ZSCAN18: variants seen among roughly 807,000 people sequenced by gnomAD.
ZSCAN18 encodes zinc finger and SCAN domain containing 18, also known as zinc finger and SCAN domain-containing protein 18.
In ZSCAN18, 16 loss-of-function variants were observed where a neutral mutation model predicts 31.1. That is an observed-to-expected ratio of 0.51 (90% CI 0.35 to 0.78). The LOEUF is 0.78. Among genes scored for constraint, ZSCAN18 ranks in the 30% least tolerant of loss-of-function variants. The pLI is 0.01. For missense variants in ZSCAN18, 731 were observed against 697.4 expected (o/e 1.05, Z -0.54); for synonymous variants, 375 against 320.7 (o/e 1.17, Z -1.81).
chr19:58,087,306 G>A lies in ZSCAN18; in HGVS notation c.642+10C>T. The A allele has an allele frequency of 6.3e-7, 1 of 1,598,254 alleles. No homozygotes were observed. The highest frequency in any genetic ancestry group is 8.5e-7 in the Non-Finnish European group (1 of 1,172,018). ...CAAGGCCCCTCACCCACCTGCTCGT[G>A]CCCACCCACCTGCTCGGTGTTGGCA... On this transcript the variant is annotated intron_variant, in intron 4 of 6. Transcript: ENST00000601144.
At chr19:58,108,748 T>C in intron 1 of ZSCAN18, 1 of 985,644 alleles carries the variant, frequency 1.0e-6, no homozygotes, top group African/African-American at 1.7e-5. Flanking sequence ...CTCGTGTCCT[T>C]CTCCTTTGTG....
At chr19:58,105,393 C>T (rs751145058) in intron 1 of ZSCAN18, among the ~76,000 whole-genome samples, 1 of 152,116 alleles carries the variant, frequency 6.6e-6, no homozygotes, top group South Asian at 2.1e-4. Context: ...CTGGCCCAGG[C>T]GCAGTGGCCT....
In ZSCAN18 at chr19:58,114,374, G is replaced by A. The variant is rs561068987; in HGVS notation, c.130+3893C>T. ...AGGAAATTATTGCTCATTTTCTTAG[G>A]TGTGATACAGTATTATGGTTATGCA... On this transcript the variant is annotated intron_variant, in intron 1 of 1. Transcript: ENST00000595721. Among the ~76,000 whole-genome samples the A allele has an allele frequency of 2.6e-5, 4 of 152,268 alleles. No individual in the cohort carries two copies. In the East Asian group the frequency reaches 7.7e-4, roughly 29 times the overall value.
chr19:58,088,553 G>A (rs2074332883), intron 3 of ZSCAN18, 135 bp downstream of exon 3: 1 of 806,164 alleles, frequency 1.2e-6, no homozygotes, highest in African/African-American at 1.7e-5. Context: ...AACTACAGGA[G>A]GAAGTCCCAA....
chr19:58,116,822 C>A (rs1183852879), intron 1 of ZSCAN18, among the ~76,000 whole-genome samples: 1 of 152,108 alleles, frequency 6.6e-6, no homozygotes, highest in Non-Finnish European at 1.5e-5. Context: ...GCCAGAGGCA[C>A]GGGAGCAAGG....
intron 1 of ZSCAN18, among the ~76,000 whole-genome samples, chr19:58,110,180 T>G (rs116270842): frequency 0.013 from 2,011 of 152,282 alleles, 38 homozygotes; most frequent in African/African-American, 0.045. Context: ...ATGCCCATCC[T>G]CTAGCTGTAT....
At chr19:58,087,176 C>A in intron 4 of ZSCAN18, 140 bp downstream of exon 4, 1 of 1,049,174 alleles carries the variant, frequency 9.5e-7, no homozygotes, top group Non-Finnish European at 1.4e-6. Context: ...TCCGCCCTCA[C>A]GCTCCCACCA....
chr19:58,084,730 G>C lies in ZSCAN18; in HGVS notation c.1488C>G (p.Ser496Arg). ...GTGCGGGGGGAGCCTCGCCCTCCAC[G>C]CTCTCTGGGGGACCGCCCGCCCTAG... is the stretch of plus-strand genomic sequence containing the variant. ...AGARAGGPPE[S>R]VEGEAPPAPP... The change falls in exon 7 of 7, where the codon AGC becomes AGG. Residue 496 changes from serine to arginine, a missense_variant. Physicochemically the swap from Ser to Arg is moderately radical, Grantham distance 110. Coordinates refer to ENST00000601144, the MANE Select transcript of ZSCAN18 (RefSeq NM_001145543.2). This position sits in a 1 kb window ranked among gnomAD's most constrained non-coding sequence, Gnocchi z 4.5. 1 of 1,529,358 alleles carries C rather than the reference G, an allele frequency of 6.5e-7. No homozygotes were observed. The highest frequency in any genetic ancestry group is 8.7e-7 in the Non-Finnish European group (1 of 1,147,998). The allele number at this position is 1,529,358 out of a possible 1,614,324, so 94.7% of individuals were successfully genotyped here. A position where few individuals can be genotyped will look rare whatever the true frequency, so the allele number is the denominator to read the frequency against.
Position 58,084,075 on chromosome 19 carries a change from T to C in ZSCAN18, c.*610A>G, listed in dbSNP as rs887750285. The C allele has an allele frequency of 6.6e-6, 1 of 152,244 alleles. No homozygotes were observed. The highest frequency in any genetic ancestry group is 1.5e-5 in the Non-Finnish European group (1 of 68,034). 9.4% of individuals were successfully genotyped at this position (152,244 alleles called of 1,614,324 possible). A position where few individuals can be genotyped will look rare whatever the true frequency, so the allele number is the denominator to read the frequency against. ...TGTAATGCTGGTGACCACTTGCTAA[T>C]TGATTTCCCATTTTACTAAATGGGC... On this transcript the variant is annotated 3_prime_UTR_variant, in exon 7 of 7. Coordinates refer to ENST00000601144, the MANE Select transcript of ZSCAN18 (RefSeq NM_001145543.2). This position sits in a 1 kb window ranked among gnomAD's most constrained non-coding sequence, Gnocchi z 4.5.
rs1349123293 is a variant in ZSCAN18 at position 58,084,617 on chromosome 19, G to A, written c.*68C>T. ...AAGCCGCCACCCAGGGGCGTGGAAA[G>A]GCCCAATGCCTCGTCTGGGATTCAC... On this transcript the variant is annotated 3_prime_UTR_variant, in exon 7 of 7. Coordinates refer to ENST00000601144, the MANE Select transcript of ZSCAN18 (RefSeq NM_001145543.2). This position sits in a 1 kb window ranked among gnomAD's most constrained non-coding sequence, Gnocchi z 4.5. The A allele has an allele frequency of 7.2e-6, 10 of 1,386,736 alleles. No homozygotes were observed. Among genetic ancestry groups the A allele is most frequent in the Admixed American group, 3.0e-5 (1 of 33,704 alleles). The allele number at this position is 1,386,736 out of a possible 1,614,324, so 85.9% of individuals were successfully genotyped here. A position where few individuals can be genotyped will look rare whatever the true frequency, so the allele number is the denominator to read the frequency against.
intron 4 of ZSCAN18, 110 bp from the exon 5 acceptor site, chr19:58,087,118 C>G (rs1313306755): frequency 9.4e-7 from 1 of 1,063,124 alleles, no homozygotes; most frequent in African/African-American, 1.6e-5. Context: ...GCCAGGGACT[C>G]TAACCCAGGT....
chr19:58,111,181 TC>T (rs199660877), intron 1 of ZSCAN18, among the ~76,000 whole-genome samples: 16 of 148,718 alleles, frequency 1.1e-4, no homozygotes, highest in African/African-American at 4.1e-4. Flanking sequence ...AAAAAAAAAT[TC>T]CCATTTTCTG....
rs778509498 is a variant in ZSCAN18, at chr19:58,085,375, G to A, written c.843C>T (p.Gly281=). 9 of 1,587,342 alleles carry A rather than the reference G, an allele frequency of 5.7e-6. No homozygotes were observed. The highest frequency in any genetic ancestry group is 1.7e-5 in the Admixed American group (1 of 58,892). The change falls in exon 7 of 7, where the codon GGC becomes GGT. Residue 281 remains glycine, a synonymous_variant. Coordinates refer to ENST00000601144, the MANE Select transcript of ZSCAN18 (RefSeq NM_001145543.2). ...RDPQGSSLPE[G]GRRQESAGCA... is the part of the protein sequence containing the mutation. Reference sequence around the variant, plus strand: ...ACCCAGCGCTCTCCTGCCGCCTCCCGCCTTCTGGAACAAGGTCAGAGCCCT... The same window carrying A: ...ACCCAGCGCTCTCCTGCCGCCTCCCACCTTCTGGAACAAGGTCAGAGCCCT...
rs1424210940 is a variant in ZSCAN18, at chr19:58,087,026, G to A, written c.643-18C>T. 5 of 1,596,552 alleles carry A rather than the reference G, an allele frequency of 3.1e-6. No individual in the cohort carries two copies. In the African/African-American group the frequency reaches 5.4e-5, roughly 17 times the overall value. On this transcript the variant is annotated intron_variant, in intron 4 of 6. Coordinates refer to ENST00000601144, the MANE Select transcript of ZSCAN18 (RefSeq NM_001145543.2). ...TTCAGCTTCTGAAACATTAGTCGTG[G>A]CTGAGACCTCCCACCTGCCCTAGAG... is the stretch of plus-strand genomic sequence containing the variant.
chr19:58,118,246 C>T (rs1426229265), intron 1 of ZSCAN18: 8 of 1,279,618 alleles, frequency 6.3e-6, no homozygotes, highest in Non-Finnish European at 8.4e-6. Context: ...GCCCCAGCCG[C>T]TCTGGAGTCC....
At chr19:58,087,635 TC>T in intron 3 of ZSCAN18, 3 of 498,942 alleles carry the variant, frequency 6.0e-6, no homozygotes, top group Non-Finnish European at 3.5e-6. Flanking sequence ...TTCATGGAAA[TC>T]TTTTTTTTTT....
At chr19:58,102,605 A>G (rs80255946), upstream of ZSCAN18, among the ~76,000 whole-genome samples, 1,255 of 152,312 alleles carry the variant, frequency 8.2e-3, 31 homozygotes, top group African/African-American at 0.028. Context: ...GCAGGTAACA[A>G]TGATTATTCA....
intron 1 of ZSCAN18, among the ~76,000 whole-genome samples, chr19:58,096,108 T>C (rs2074515273): frequency 6.6e-6 from 1 of 152,146 alleles, no homozygotes; most frequent in Non-Finnish European, 1.5e-5. Context: ...AGCGTACATC[T>C]ATAATCTCAG....
chr19:58,118,006 C>T (rs1568648320), intron 1 of ZSCAN18, among the ~76,000 whole-genome samples: 1 of 152,164 alleles, frequency 6.6e-6, no homozygotes. Flanking sequence ...AGAGGGCTCG[C>T]GCCCTGCGGG....
Sources: allele counts gnomAD v4.1 joint callset (sites outside exome capture counted in the v4.1 genomes callset), GRCh38; gene constraint gnomAD v4.1.1; non-coding constraint Gnocchi (gnomAD v3.1); transcripts MANE v1.5; gene names NCBI Gene and HGNC (gene_info 2026-07-23, HGNC 2026-07-21).